PRR16: variants seen among roughly 807,000 people sequenced by gnomAD.
PRR16 encodes protein Largen.
Under a neutral mutation model 18.2 loss-of-function variants are expected in PRR16, and 6 were observed. The ratio of observed to expected loss-of-function variants is 0.33; its 90% CI spans 0.18 to 0.65. The LOEUF (loss-of-function observed/expected upper bound fraction) is 0.65. Ranked by LOEUF, PRR16 falls within the 30% of genes least tolerant of loss-of-function variation. The probability of loss-of-function intolerance (pLI) is 0.74; values close to 1 mark genes in which losing one functional copy is unlikely to be tolerated. For missense variants in PRR16, 412 were observed against 376.6 expected (o/e 1.09, Z -0.78); for synonymous variants, 151 against 147.8 (o/e 1.02, Z -0.16).
the PRR16 span, among the ~76,000 whole-genome samples, chr5:120,709,154 C>T: frequency 6.6e-5 from 10 of 151,018 alleles, no homozygotes; most frequent in Admixed American, 6.6e-4. Context: ...ACTACAGGCG[C>T]CCGTCACCAC....
At chr5:120,583,482 G>A (rs1380830829) in intron 1 of PRR16, among the ~76,000 whole-genome samples, 1 of 152,092 alleles carries the variant, frequency 6.6e-6, no homozygotes, top group Non-Finnish European at 1.5e-5. Context: ...TAGGGGTTAG[G>A]CCAGCTCACA....
chr5:120,762,427 A>ATTG, the PRR16 span, among the ~76,000 whole-genome samples: 1 of 151,998 alleles, frequency 6.6e-6, no homozygotes, highest in Admixed American at 6.6e-5. Flanking sequence ...TATTATTGTG[A>ATTG]TTGTTGTAGT....
chr5:120,725,075 C>T, the PRR16 span, among the ~76,000 whole-genome samples: 1 of 151,910 alleles, frequency 6.6e-6, no homozygotes, highest in Non-Finnish European at 1.5e-5. Flanking sequence ...GAAAACAAGA[C>T]ATGGTGCTAT....
chr5:120,516,729 T>C lies in PRR16; in HGVS notation c.159+52084T>C, dbSNP rs74809666. ...ATACACTGAAAAACTACTTGGTATG[T>C]TGCCATGGATTGGTGATATTTCATA... On this transcript the variant is annotated intron_variant, in intron 1 of 1. Transcript: ENST00000407149. Among the ~76,000 whole-genome samples, 489 of 152,274 alleles carry C rather than the reference T, an allele frequency of 3.2e-3. 3 individuals carry two copies. The highest frequency in any genetic ancestry group is 0.011 in the African/African-American group (466 of 41,568).
At chr5:120,479,904 A>G (rs552235890) in intron 1 of PRR16, among the ~76,000 whole-genome samples, 1 of 152,306 alleles carries the variant, frequency 6.6e-6, no homozygotes, top group South Asian at 2.1e-4. Flanking sequence ...AAAAAATAGA[A>G]TAAATTACTT....
At chr5:120,670,980 T>G (rs963980785) in intron 1 of PRR16, among the ~76,000 whole-genome samples, 2 of 152,152 alleles carry the variant, frequency 1.3e-5, no homozygotes, top group African/African-American at 4.8e-5. Flanking sequence ...AAAACCCCAC[T>G]CATTAGCATG....
At chr5:120,718,008 CA>C in the PRR16 span, among the ~76,000 whole-genome samples, 4 of 151,990 alleles carry the variant, frequency 2.6e-5, no homozygotes, top group Non-Finnish European at 5.9e-5. Flanking sequence ...GTTAATAATA[CA>C]AAAGATAAAA....
the PRR16 span, among the ~76,000 whole-genome samples, chr5:120,763,326 T>G: frequency 5.3e-5 from 8 of 152,010 alleles, no homozygotes; most frequent in Non-Finnish European, 1.2e-4. Flanking sequence ...TTTTGTATTT[T>G]TAGTAGAGAT....
chr5:120,735,663 T>TTTGTTGTTG, the PRR16 span, among the ~76,000 whole-genome samples: 1,750 of 151,622 alleles, frequency 0.012, 30 homozygotes, highest in African/African-American at 0.037. Flanking sequence ...TACTCATATT[T>TTTGTTGTTG]TTGTTGTTGT....
chr5:120,752,594 A>G, the PRR16 span, among the ~76,000 whole-genome samples: 2 of 152,214 alleles, frequency 1.3e-5, no homozygotes, highest in African/African-American at 2.4e-5. Flanking sequence ...ATGTGAAATG[A>G]TACCATTATG....
chr5:120,763,340 G>T, the PRR16 span, among the ~76,000 whole-genome samples: 1 of 151,936 alleles, frequency 6.6e-6, no homozygotes, highest in East Asian at 1.9e-4. Flanking sequence ...TAGAGATGAG[G>T]TTTCGCCATG....
chr5:120,607,500 A>T (rs1259096316), intron 1 of PRR16, among the ~76,000 whole-genome samples: 1 of 152,174 alleles, frequency 6.6e-6, no homozygotes, highest in Non-Finnish European at 1.5e-5. Context: ...ATGGGTGCAG[A>T]TGGAGTTGGC....
At chr5:120,670,028 C>T (rs1756543553) in intron 1 of PRR16, among the ~76,000 whole-genome samples, 1 of 151,910 alleles carries the variant, frequency 6.6e-6, no homozygotes, top group Admixed American at 6.6e-5. Context: ...TGACCATAAG[C>T]AAAATATGTA....
intron 1 of PRR16, among the ~76,000 whole-genome samples, chr5:120,626,895 G>A (rs1429031603): frequency 6.6e-5 from 10 of 152,048 alleles, no homozygotes. Context: ...TAAACTGAAT[G>A]TCTCACTTTG....
intron 1 of PRR16, among the ~76,000 whole-genome samples, chr5:120,539,843 T>C (rs1020354657): frequency 1.3e-5 from 2 of 152,196 alleles, no homozygotes; most frequent in Non-Finnish European, 2.9e-5. Flanking sequence ...GGTTTTTTTT[T>C]CTTTTTTTTG....
chr5:120,760,835 C>A, the PRR16 span, among the ~76,000 whole-genome samples: 1 of 152,064 alleles, frequency 6.6e-6, no homozygotes, highest in Non-Finnish European at 1.5e-5. Flanking sequence ...CAGGATTGAG[C>A]TCCGGTAGCA....
chr5:120,742,505 A>G, the PRR16 span, among the ~76,000 whole-genome samples: 1 of 146,166 alleles, frequency 6.8e-6, no homozygotes, highest in African/African-American at 2.6e-5. Context: ...ATTATTTTTT[A>G]GTTTTATTTT....
At chr5:120,634,816 C>A (rs1050449933) in intron 1 of PRR16, among the ~76,000 whole-genome samples, 6 of 151,632 alleles carry the variant, frequency 4.0e-5, no homozygotes, top group African/African-American at 1.5e-4. Flanking sequence ...TACAACAGAT[C>A]AATGAAACAA....
the PRR16 span, among the ~76,000 whole-genome samples, chr5:120,789,728 A>G: frequency 6.6e-6 from 1 of 152,140 alleles, no homozygotes; most frequent in African/African-American, 2.4e-5. Context: ...ATACTACTGT[A>G]CTTAAATTTT....
Sources: gnomAD v4.1 joint callset for allele counts (sites outside exome capture counted in the v4.1 genomes callset) on GRCh38, gnomAD v4.1.1 for gene constraint, MANE v1.5 for transcripts, NCBI Gene and HGNC (gene_info 2026-07-23, HGNC 2026-07-21) for gene names.